MYO3A: variants seen among roughly 807,000 people sequenced by gnomAD.
MYO3A encodes the protein myosin-IIIa.
In MYO3A, 180 loss-of-function variants were observed where a neutral mutation model predicts 192.7. The ratio of observed to expected loss-of-function variants is 0.93; its 90% CI spans 0.83 to 1.06. The LOEUF is 1.06. Ranked by LOEUF, MYO3A falls within the 50% of genes least tolerant of loss-of-function variation. The pLI, the probability that MYO3A is intolerant of heterozygous loss-of-function variation, is 0.00. For missense variants in MYO3A, 1,896 were observed against 1,905.0 expected (o/e 1.00, Z 0.09); for synonymous variants, 628 against 645.3 (o/e 0.97, Z 0.41).
At chr10:26,006,805 A>G (rs1841245836) in intron 6 of MYO3A, among the ~76,000 whole-genome samples, 1 of 151,742 alleles carries the variant, frequency 6.6e-6, no homozygotes, top group Non-Finnish European at 1.5e-5. Flanking sequence ...CAGAGGTACA[A>G]GGAGGAACTG....
intron 10 of MYO3A, among the ~76,000 whole-genome samples, chr10:26,040,818 A>G (rs184054537): frequency 1.8e-4 from 28 of 152,238 alleles, no homozygotes; most frequent in Admixed American, 1.6e-3. Context: ...CTAACATATC[A>G]TATATCTTTG....
chr10:26,153,686 T>G (rs1028757811), intron 23 of MYO3A, among the ~76,000 whole-genome samples, 164 bp from the exon 24 acceptor site: 1 of 152,232 alleles, frequency 6.6e-6, no homozygotes. Context: ...CATTTTTACA[T>G]AATTTTTTTT....
chr10:26,190,608 C>T (rs1423069544), intron 31 of MYO3A, among the ~76,000 whole-genome samples: 1 of 152,128 alleles, frequency 6.6e-6, no homozygotes, highest in Non-Finnish European at 1.5e-5. Context: ...TCAAGTATTT[C>T]TATAAGTACT....
chr10:25,939,846 A>T (rs181564594), intron 2 of MYO3A, among the ~76,000 whole-genome samples: 1 of 150,134 alleles, frequency 6.7e-6, no homozygotes, highest in East Asian at 2.0e-4. Context: ...CTCCCATTAA[A>T]ATTGTGAATT....
At chr10:26,127,629 G>A (rs1839293555) in intron 19 of MYO3A, among the ~76,000 whole-genome samples, 1 of 151,894 alleles carries the variant, frequency 6.6e-6, no homozygotes, top group Admixed American at 6.6e-5. Flanking sequence ...AATACTAAGT[G>A]TAACCCTGGA....
chr10:26,201,178 G>A, intron 32 of MYO3A, 87 bp from the exon 33 acceptor site: 1 of 565,910 alleles, frequency 1.8e-6, no homozygotes, highest in Non-Finnish European at 2.8e-6. Context: ...AAGAGTAAAT[G>A]TATTTACATA....
chr10:26,134,303 C>T (rs915142279), intron 20 of MYO3A, among the ~76,000 whole-genome samples: 1 of 152,078 alleles, frequency 6.6e-6, no homozygotes, highest in African/African-American at 2.4e-5. Flanking sequence ...CTTGTGTCAT[C>T]TCAAGTTAAT....
At chr10:26,157,555 T>C (rs1387009561) in intron 26 of MYO3A, 40 bp downstream of exon 26, 2 of 1,581,434 alleles carry the variant, frequency 1.3e-6, no homozygotes, top group Non-Finnish European at 1.7e-6. Flanking sequence ...GTGCAGTTTA[T>C]ATAAAAATCA....
intron 31 of MYO3A, among the ~76,000 whole-genome samples, chr10:26,191,213 A>G (rs1193522973): frequency 6.6e-6 from 1 of 152,238 alleles, no homozygotes; most frequent in African/African-American, 2.4e-5. Flanking sequence ...GCAAGAGCCA[A>G]TAGAAGCTAT....
intron 22 of MYO3A, 80 bp from the exon 23 acceptor site, chr10:26,147,350 T>C: frequency 7.3e-7 from 1 of 1,373,458 alleles, no homozygotes; most frequent in East Asian, 2.3e-5. Context: ...TGAGTATCTG[T>C]TGTTGATGAT....
chr10:25,964,665 T>G (rs1290742811), intron 4 of MYO3A, among the ~76,000 whole-genome samples: 1 of 152,220 alleles, frequency 6.6e-6, no homozygotes, highest in Admixed American at 6.5e-5. Flanking sequence ...ATTCTGTGTT[T>G]CTCTGTGTAC....
intron 7 of MYO3A, among the ~76,000 whole-genome samples, chr10:26,019,420 G>A (rs1842178348): frequency 6.6e-6 from 1 of 151,908 alleles, no homozygotes; most frequent in Non-Finnish European, 1.5e-5. Context: ...CAACACGCCT[G>A]GCTAATTTTT....
chr10:26,068,926 T>G, intron 12 of MYO3A, 42 bp downstream of exon 12: 1 of 1,249,722 alleles, frequency 8.0e-7, no homozygotes, highest in Non-Finnish European at 1.2e-6. Flanking sequence ...ATACACATAA[T>G]TATACATTCA....
At position 26,161,375 on chromosome 10, in the gene MYO3A, C is replaced by A. The variant is rs1055176942; in HGVS notation, c.2999+3860C>A. ...TGCACAAGACACTGGGTTTTTACTGCAGCTATTTCAAAGGAACCCTTACGC... is the reference window on the plus strand; with the variant it reads ...TGCACAAGACACTGGGTTTTTACTGAAGCTATTTCAAAGGAACCCTTACGC... On this transcript the variant is annotated intron_variant, in intron 26 of 34. Coordinates refer to ENST00000642920, the MANE Select transcript of MYO3A (RefSeq NM_017433.5). Among the ~76,000 whole-genome samples, 3 of 152,286 alleles carry A rather than the reference C, an allele frequency of 2.0e-5. No individual in the cohort carries two copies. In the East Asian group the frequency reaches 5.8e-4, roughly 29 times the overall value.
At chr10:26,189,924 G>A (rs1021989728) in intron 31 of MYO3A, among the ~76,000 whole-genome samples, 3 of 152,042 alleles carry the variant, frequency 2.0e-5, no homozygotes, top group South Asian at 2.1e-4. Flanking sequence ...TTATCTGGGC[G>A]CAGTGGCAAG....
chr10:26,096,181 G>T (rs1323875361), intron 15 of MYO3A, among the ~76,000 whole-genome samples, 200 bp from the exon 16 acceptor site: 2 of 152,264 alleles, frequency 1.3e-5, no homozygotes, highest in East Asian at 3.9e-4. Context: ...CCTATGAAGT[G>T]ATTAAGATAA....
intron 2 of MYO3A, among the ~76,000 whole-genome samples, chr10:25,942,589 A>T (rs1158857526): frequency 1.3e-5 from 2 of 152,218 alleles, no homozygotes; most frequent in African/African-American, 4.8e-5. Context: ...TACAACATTA[A>T]CAACACTGAA....
chr10:26,022,986 T>G (rs1414268030), intron 8 of MYO3A: 1 of 152,188 alleles, frequency 6.6e-6, no homozygotes, highest in Non-Finnish European at 1.5e-5. Context: ...CAGTTCTGAG[T>G]GTTCTGAAAT....
chr10:26,046,341 G>A (rs1484022062), intron 10 of MYO3A, among the ~76,000 whole-genome samples: 1 of 152,182 alleles, frequency 6.6e-6, no homozygotes, highest in East Asian at 1.9e-4. Context: ...CTTGCTTGAT[G>A]CATTGAGAAA....
Sources: allele counts gnomAD v4.1 joint callset (sites outside exome capture counted in the v4.1 genomes callset), GRCh38; gene constraint gnomAD v4.1.1; transcripts MANE v1.5; gene names NCBI Gene and HGNC (gene_info 2026-07-23, HGNC 2026-07-21).